The following TSHZ3 variants were observed in gnomAD, a reference collection of about 807,000 sequenced individuals.
The protein encoded by TSHZ3 is teashirt homolog 3.
Under a neutral mutation model 64.5 loss-of-function variants are expected in TSHZ3, and 10 were observed. The ratio of observed to expected loss-of-function variants is 0.16; its 90% confidence interval spans 0.10 to 0.26. The LOEUF is 0.26. Among genes scored for constraint, TSHZ3 ranks in the 10% least tolerant of loss-of-function variants. The pLI is 1.00. For synonymous variants in TSHZ3, 608 were observed against 593.1 expected, an observed-to-expected ratio of 1.03 and a Z score of -0.36; for missense variants, 1,242 against 1,421.7, an observed-to-expected ratio of 0.87 and a Z score of 2.03.
intron 4 of TSHZ3, among the ~76,000 whole-genome samples, chr19:31,225,155 A>G (rs532809715): frequency 9.8e-5 from 15 of 152,322 alleles, no homozygotes; most frequent in African/African-American, 3.1e-4. Context: ...GCTGCCATTC[A>G]TTTAGAAGTG....
At chr19:31,209,078 G>A (rs1463604446) in intron 4 of TSHZ3, among the ~76,000 whole-genome samples, 2 of 152,128 alleles carry the variant, frequency 1.3e-5, no homozygotes, top group Non-Finnish European at 2.9e-5. Context: ...CAGGTCCAAG[G>A]CCACTGACAG....
In TSHZ3 at chr19:31,235,774, G is replaced by A. The variant is rs138260512; in HGVS notation, n.550+6495C>T. Among the ~76,000 whole-genome samples the A allele has an allele frequency of 3.4e-3, 453 of 133,602 alleles. 3 individuals are homozygous for A. The highest frequency in any genetic ancestry group is 0.012 in the African/African-American group (422 of 34,888). 87.6% of individuals were successfully genotyped at this position (133,602 alleles called of 152,430 possible). On this transcript the variant is annotated intron_variant and non_coding_transcript_variant, in intron 3 of 6. Transcript: ENST00000651361. ...CGCCCAGGCTGGAGTGCAGTGGCACGATCTCTACTCACTGCAACCACGGCC... is the reference window on the plus strand; with the variant it reads ...CGCCCAGGCTGGAGTGCAGTGGCACAATCTCTACTCACTGCAACCACGGCC...
At chr19:31,225,791 C>T (rs992460043) in intron 4 of TSHZ3, among the ~76,000 whole-genome samples, 1 of 152,122 alleles carries the variant, frequency 6.6e-6, no homozygotes, top group African/African-American at 2.4e-5. Flanking sequence ...CATTTTCCTC[C>T]TGCTGTTGCC....
chr19:31,273,766 A>G (rs1976178782), downstream of TSHZ3, among the ~76,000 whole-genome samples: 1 of 152,162 alleles, frequency 6.6e-6, no homozygotes, highest in African/African-American at 2.4e-5. Flanking sequence ...TCCCAGGTAA[A>G]GGTCAGTAGG....
At chr19:31,180,229 G>GTGAA (rs753937957) in intron 5 of TSHZ3, among the ~76,000 whole-genome samples, 36 of 152,108 alleles carry the variant, frequency 2.4e-4, no homozygotes, top group Admixed American at 3.9e-4. Context: ...TGATTAGTGA[G>GTGAA]TGAATGAATG....
chr19:31,306,502 CTT>C (rs1916300435), intron 1 of TSHZ3, among the ~76,000 whole-genome samples: 1 of 152,246 alleles, frequency 6.6e-6, no homozygotes, highest in East Asian at 1.9e-4. Flanking sequence ...GCTCTTTTAT[CTT>C]GAGAGGGCAC....
chr19:31,313,076 C>G (rs1397668911), intron 1 of TSHZ3, among the ~76,000 whole-genome samples: 1 of 152,104 alleles, frequency 6.6e-6, no homozygotes, highest in Non-Finnish European at 1.5e-5. Context: ...AAACGTCAAA[C>G]AGCATGACAG....
At chr19:31,258,512 C>T (rs770953078) in intron 1 of TSHZ3, among the ~76,000 whole-genome samples, 6 of 152,150 alleles carry the variant, frequency 3.9e-5, no homozygotes, top group Non-Finnish European at 7.3e-5. Context: ...TGGTTTTCTC[C>T]GCAGCCAGCA....
At chr19:31,334,942 T>C (rs1917200859) in intron 1 of TSHZ3, among the ~76,000 whole-genome samples, 1 of 152,112 alleles carries the variant, frequency 6.6e-6, no homozygotes, top group African/African-American at 2.4e-5. Context: ...CTGCCCTCTC[T>C]CTGTCATGTG....
chr19:31,251,983 G>T (rs527481883), intron 1 of TSHZ3, among the ~76,000 whole-genome samples: 1 of 152,314 alleles, frequency 6.6e-6, no homozygotes, highest in Admixed American at 6.5e-5. Context: ...GAAGTGCATG[G>T]TTTTCCTCTG....
intron 1 of TSHZ3, among the ~76,000 whole-genome samples, chr19:31,251,473 T>C (rs1417488845): frequency 6.6e-6 from 1 of 152,142 alleles, no homozygotes; most frequent in Non-Finnish European, 1.5e-5. Flanking sequence ...CTGGGATATT[T>C]TGCACCTGTG....
rs34501594 is a variant in TSHZ3, at chr19:31,279,954, C to CAAAA, written c.41-206_41-203dup. On this transcript the variant is annotated intron_variant, in intron 1 of 1. Transcript: ENST00000240587. The surrounding 1 kb of genome is among the most constrained non-coding windows in gnomAD (Gnocchi z 6.4). ...GTTAAAATGTGGTGTTTCTTTGGAG[C>CAAAA]AAAAAAAAAAAAAAATCTGCTCTTC... 6.9e-6 allele frequency among the ~76,000 whole-genome samples: 1 copy of CAAAA among 145,500 alleles called. No homozygotes were observed.
chr19:31,305,318 GA>G (rs34646379), intron 1 of TSHZ3, among the ~76,000 whole-genome samples: 386 of 139,408 alleles, frequency 2.8e-3, no homozygotes, highest in East Asian at 4.3e-3. Flanking sequence ...GTCTGGAAAG[GA>G]AAAAAAAAAA....
chr19:31,274,317 G>T (rs1976188013), downstream of TSHZ3, among the ~76,000 whole-genome samples: 1 of 152,018 alleles, frequency 6.6e-6, no homozygotes, highest in African/African-American at 2.4e-5. Flanking sequence ...ATTTGCCGGG[G>T]CTAATAAAAG....
At chr19:31,218,630 C>A (rs1359734454) in intron 4 of TSHZ3, among the ~76,000 whole-genome samples, 1 of 152,074 alleles carries the variant, frequency 6.6e-6, no homozygotes, top group Non-Finnish European at 1.5e-5. Context: ...TTAATAATTG[C>A]CAAAACTTTG....
At chr19:31,214,407 A>G (rs1236274024) in intron 4 of TSHZ3, among the ~76,000 whole-genome samples, 1 of 152,220 alleles carries the variant, frequency 6.6e-6, no homozygotes, top group Non-Finnish European at 1.5e-5. Flanking sequence ...ACTCTGCCCC[A>G]TACCTGAGTC....
chr19:31,298,610 T>C (rs773321586), intron 1 of TSHZ3, among the ~76,000 whole-genome samples: 19 of 152,106 alleles, frequency 1.2e-4, no homozygotes, highest in Non-Finnish European at 2.5e-4. Context: ...CTGGCCCATT[T>C]TGTGGGGCCT....
chr19:31,238,595 A>G (rs767704785), intron 3 of TSHZ3, among the ~76,000 whole-genome samples: 2 of 152,144 alleles, frequency 1.3e-5, no homozygotes, highest in Non-Finnish European at 2.9e-5. Context: ...ATACATATTT[A>G]AAATTGTTCT....
At chr19:31,302,199 C>A (rs80010044) in intron 1 of TSHZ3, among the ~76,000 whole-genome samples, 2,825 of 152,288 alleles carry the variant, frequency 0.019, 91 homozygotes, top group African/African-American at 0.065. Flanking sequence ...ACAGGAGTGA[C>A]CCCTCAGTGC....
Sources: allele counts gnomAD v4.1 joint callset (sites outside exome capture counted in the v4.1 genomes callset), GRCh38; gene constraint gnomAD v4.1.1; non-coding constraint Gnocchi (gnomAD v3.1); transcripts MANE v1.5; gene names NCBI Gene and HGNC (gene_info 2026-07-23, HGNC 2026-07-21).